Variants in CNST observed in about 807,000 individuals in gnomAD.
CNST encodes consortin, connexin sorting protein.
In CNST, 39 loss-of-function variants were observed where a neutral mutation model predicts 72.4. The observed-to-expected ratio is 0.54, with a 90% confidence interval of 0.42 to 0.70. The LOEUF (loss-of-function observed/expected upper bound fraction) is 0.70, where lower values mean the gene tolerates loss of function less well. Ranked by LOEUF, CNST falls within the 30% of genes least tolerant of loss-of-function variation. The probability of loss-of-function intolerance (pLI) is 0.00; values close to 1 mark genes in which losing one functional copy is unlikely to be tolerated. For missense variants in CNST, 871 were observed against 868.5 expected (o/e 1.00, Z -0.04); for synonymous variants, 332 against 320.1 (o/e 1.04, Z -0.40).
intron 9 of CNST, among the ~76,000 whole-genome samples, chr1:246,657,644 C>T (rs994018451): frequency 6.6e-6 from 1 of 152,142 alleles, no homozygotes; most frequent in Non-Finnish European, 1.5e-5. Flanking sequence ...AAGGTGGGAC[C>T]ACCTGACAAG....
rs563312200 is a variant in CNST, at chr1:246,659,401, T to C, written c.1837-798T>C. ...CGAGGTCAGGAGATCGAGACCATCC[T>C]GGCTAACTCGGTGAAACCCCGTCTC... On this transcript the variant is annotated intron_variant, in intron 9 of 10. Transcript: ENST00000366513. 2.5e-4 allele frequency among the ~76,000 whole-genome samples: 38 copies of C among 152,270 alleles called. No individual in the cohort carries two copies. In the East Asian group the frequency reaches 3.5e-3, roughly 14 times the overall value.
intron 9 of CNST, among the ~76,000 whole-genome samples, chr1:246,657,064 CT>C (rs1666816166): frequency 6.6e-6 from 1 of 152,186 alleles, no homozygotes; most frequent in Non-Finnish European, 1.5e-5. Context: ...GAGACCATGA[CT>C]TTGTTTTGTC....
At chr1:246,652,488 G>C (rs939758011) in intron 9 of CNST, among the ~76,000 whole-genome samples, 1 of 152,152 alleles carries the variant, frequency 6.6e-6, no homozygotes, top group Non-Finnish European at 1.5e-5. Flanking sequence ...TAATTCAGAG[G>C]TCCCCTTGTG....
intron 5 of CNST, 153 bp downstream of exon 5, chr1:246,634,163 A>G (rs948580672): frequency 1.6e-5 from 10 of 608,946 alleles, no homozygotes; most frequent in Non-Finnish European, 2.3e-5. Context: ...TTTTACCACA[A>G]GTCTATTATA....
intron 3 of CNST, among the ~76,000 whole-genome samples, chr1:246,627,602 G>A (rs1664518940): frequency 6.6e-6 from 1 of 152,198 alleles, no homozygotes. Context: ...GAAGGAGAGG[G>A]TAACCAGTCC....
At position 246,567,062 on chromosome 1, in the gene CNST, C is replaced by T. The variant is rs3806271; in HGVS notation, c.-52+399C>T. Among the ~76,000 whole-genome samples the T allele has an allele frequency of 2.9e-4, 42 of 143,992 alleles. No individual in the cohort carries two copies. The East Asian group carries it at 9.2e-3, about 32-fold the overall frequency. The allele number at this position is 143,992 out of a possible 152,430, so 94.5% of individuals were successfully genotyped here. On this transcript the variant is annotated intron_variant, in intron 1 of 10. Coordinates refer to ENST00000366513, the MANE Select transcript of CNST (RefSeq NM_152609.3). ...CCCCCACACCTGGTCCCCCCCATCACTACCACTTTGGTTGTCAAGAACCGC... is the reference window on the plus strand; with the variant it reads ...CCCCCACACCTGGTCCCCCCCATCATTACCACTTTGGTTGTCAAGAACCGC...
At chr1:246,604,459 G>A (rs1662548830) in intron 2 of CNST, among the ~76,000 whole-genome samples, 1 of 152,046 alleles carries the variant, frequency 6.6e-6, no homozygotes, top group Non-Finnish European at 1.5e-5. Context: ...GTTAACCCCT[G>A]GGCTTCTAAT....
intron 10 of CNST, among the ~76,000 whole-genome samples, chr1:246,664,887 T>A (rs189587755): frequency 1.9e-3 from 295 of 152,368 alleles, no homozygotes; most frequent in African/African-American, 6.5e-3. Flanking sequence ...AAATTTTTTT[T>A]AAATTATGAA....
At chr1:246,623,104 G>A (rs565830750) in intron 3 of CNST, among the ~76,000 whole-genome samples, 10 of 152,158 alleles carry the variant, frequency 6.6e-5, no homozygotes, top group Non-Finnish European at 7.3e-5. Flanking sequence ...ATTAACAGGC[G>A]CGAGCCGCTG....
Position 246,586,109 on chromosome 1 carries a change from A to ATGTGTGTGTGTGTGTG in CNST, c.-51-5402_-51-5401insGTGTGTGTGTGTGTGT, listed in dbSNP as rs371447612. On this transcript the variant is annotated intron_variant, in intron 1 of 10. Transcript: ENST00000366513. Reference sequence around the variant, plus strand: ...GAGAGGGGGAGATATATATATATATATATGTGTGTGTGTGTGTGTGTGTGT... The same window carrying ATGTGTGTGTGTGTGTG: ...GAGAGGGGGAGATATATATATATATATGTGTGTGTGTGTGTGTATGTGTGTGTGTGTGTGTGTGTGT... 2.5e-3 allele frequency among the ~76,000 whole-genome samples: 307 copies of ATGTGTGTGTGTGTGTG among 122,164 alleles called. 2 individuals carry two copies. The highest frequency in any genetic ancestry group is 2.9e-3 in the South Asian group (11 of 3,746). The allele number at this position is 122,164 out of a possible 152,430, so 80.1% of individuals were successfully genotyped here.
At chr1:246,580,480 A>G (rs1234004847) in intron 1 of CNST, among the ~76,000 whole-genome samples, 2 of 152,130 alleles carry the variant, frequency 1.3e-5, no homozygotes, top group Non-Finnish European at 2.9e-5. Flanking sequence ...AACAGTTATG[A>G]AATTGCACTT....
At chr1:246,634,233 C>A in intron 5 of CNST, 1 of 553,488 alleles carries the variant, frequency 1.8e-6, no homozygotes, top group Non-Finnish European at 3.2e-6. Flanking sequence ...GAAAAGAATA[C>A]TTGCAACTAT....
In CNST at chr1:246,642,052, T is replaced by A; in HGVS notation, c.937+15T>A. On this transcript the variant is annotated intron_variant, in intron 8 of 10. Transcript: ENST00000366513. Reference sequence around the variant, plus strand: ...CAAAGAGTCAGGTATGTTTTTAACTTAAGCTATGGAGCAACGTAAAAGATA... The same window carrying A: ...CAAAGAGTCAGGTATGTTTTTAACTAAAGCTATGGAGCAACGTAAAAGATA... 6.6e-7 allele frequency: 1 copy of A among 1,514,544 alleles called. No individual in the cohort carries two copies. Among genetic ancestry groups the A allele is most frequent in the Non-Finnish European group, 9.1e-7 (1 of 1,099,728 alleles). The allele number at this position is 1,514,544 out of a possible 1,614,324, so 93.8% of individuals were successfully genotyped here.
chr1:246,621,658 T>C, intron 3 of CNST, 24 bp downstream of exon 3: 7 of 1,590,382 alleles, frequency 4.4e-6, no homozygotes, highest in Non-Finnish European at 6.0e-6. Context: ...CCCTTCACTT[T>C]CAGCCTCACG....
chr1:246,648,319 T>G (rs1425798234), intron 9 of CNST: 1 of 814,190 alleles, frequency 1.2e-6, no homozygotes, highest in Non-Finnish European at 1.5e-6. Context: ...CTGACTGTTA[T>G]GTGGCAGTTC....
intron 9 of CNST, among the ~76,000 whole-genome samples, chr1:246,654,537 ATCTC>A (rs769991352): frequency 2.0e-5 from 3 of 152,186 alleles, no homozygotes; most frequent in African/African-American, 4.8e-5. Flanking sequence ...TCTAGCTGTA[ATCTC>A]TCTCTGTTAT....
At chr1:246,637,551 G>A (rs1665372758) in intron 6 of CNST, among the ~76,000 whole-genome samples, 1 of 152,216 alleles carries the variant, frequency 6.6e-6, no homozygotes, top group African/African-American at 2.4e-5. Context: ...TTTTGGTGTT[G>A]CACGGAGTCT....
At chr1:246,661,607 A>C (rs1667109994) in intron 10 of CNST, among the ~76,000 whole-genome samples, 1 of 152,220 alleles carries the variant, frequency 6.6e-6, no homozygotes, top group South Asian at 2.1e-4. Flanking sequence ...TTGGTCTAAC[A>C]TGAGGTGGTG....
chr1:246,583,840 T>A (rs1173934192), intron 1 of CNST, among the ~76,000 whole-genome samples: 2 of 152,190 alleles, frequency 1.3e-5, no homozygotes, highest in Non-Finnish European at 2.9e-5. Flanking sequence ...AGCATCGTGT[T>A]CCCATTCAAA....
Sources: gnomAD v4.1 joint callset for allele counts (sites outside exome capture counted in the v4.1 genomes callset) on GRCh38, gnomAD v4.1.1 for gene constraint, MANE v1.5 for transcripts, NCBI Gene and HGNC (gene_info 2026-07-23, HGNC 2026-07-21) for gene names.